Variants in NCAPD3 observed in about 807,000 individuals in gnomAD.
NCAPD3 encodes non-SMC condensin II complex subunit D3.
A neutral mutation model predicts 182.9 loss-of-function variants in NCAPD3; 105 were observed. That is an observed-to-expected ratio of 0.57 (90% confidence interval 0.49 to 0.68). The LOEUF (loss-of-function observed/expected upper bound fraction) is 0.68. Ranked by LOEUF, NCAPD3 falls within the 30% of genes least tolerant of loss-of-function variation. The pLI is 0.00. For synonymous variants in NCAPD3, 815 were observed against 679.9 expected (o/e 1.20, Z -3.09); for missense variants, 1,944 against 1,837.0 (o/e 1.06, Z -1.07).
intron 1 of NCAPD3, among the ~76,000 whole-genome samples, chr11:134,222,922 A>T (rs574388388): frequency 1.3e-5 from 2 of 152,348 alleles, no homozygotes; most frequent in East Asian, 3.9e-4. Flanking sequence ...AACCCCTGTG[A>T]GGTAGATATT....
rs79485966 is a variant in NCAPD3, at chr11:134,164,360, C to T, written c.3574-2469G>A. Among the ~76,000 whole-genome samples the T allele has an allele frequency of 1.3e-3, 196 of 152,346 alleles. 1 individual carries two copies. The highest frequency in any genetic ancestry group is 4.6e-3 in the African/African-American group (191 of 41,572). ...GAGTAAGTCAGAGACACCCGGAGCA[C>T]GTCCTGGCAGCAGGGGGACCTGAGC... On this transcript the variant is annotated intron_variant, in intron 27 of 34. Transcript: ENST00000534548.
At chr11:134,225,244 A>T, upstream of NCAPD3, 1 of 1,614,114 alleles carries the variant, frequency 6.2e-7, no homozygotes. Flanking sequence ...TTCCTCTTCT[A>T]CGACGGGGAG....
At chr11:134,189,812 G>A (rs918222116) in intron 16 of NCAPD3, among the ~76,000 whole-genome samples, 13 of 151,874 alleles carry the variant, frequency 8.6e-5, no homozygotes, top group South Asian at 4.2e-4. Flanking sequence ...GACATTTTCC[G>A]TTAAATTCTA....
chr11:134,170,368 G>A (rs1591832169), intron 24 of NCAPD3, among the ~76,000 whole-genome samples: 2 of 152,288 alleles, frequency 1.3e-5, no homozygotes, highest in South Asian at 4.1e-4. Context: ...ATGTTTGAAA[G>A]GCAAAGGTCA....
chr11:134,160,188 C>G, intron 28 of NCAPD3, 114 bp from the exon 29 acceptor site: 1 of 1,014,890 alleles, frequency 9.9e-7, no homozygotes, highest in Non-Finnish European at 1.4e-6. Flanking sequence ...TGCACGTGTA[C>G]CCCTGAACGC....
rs764503025 is a variant in NCAPD3 at position 134,184,993 on chromosome 11, T to C, written c.2245A>G (p.Asn749Asp). Residue 749 changes from asparagine (N) to aspartate (D), a missense_variant, in exon 18 of 35, where the codon AAT becomes GAT. Coordinates refer to ENST00000534548, the MANE Select transcript of NCAPD3 (RefSeq NM_015261.3). ...TGTCCTAAGGTGTTTGAATTGGGAT[T>C]CTGCTGACTAGAGAAAGGGCAGGAG... The part of the protein sequence containing the change: ...QSWEKISSQQ[N>D]PNSNTLGHIL... The C allele has an allele frequency of 6.2e-7, 1 of 1,610,988 alleles. No individual in the cohort carries two copies. The highest frequency in any genetic ancestry group is 8.5e-7 in the Non-Finnish European group (1 of 1,177,188).
chr11:134,198,459 C>T (rs1944682252), intron 13 of NCAPD3, among the ~76,000 whole-genome samples: 1 of 152,142 alleles, frequency 6.6e-6, no homozygotes, highest in Non-Finnish European at 1.5e-5. Flanking sequence ...TGATGCCTCC[C>T]TAAAGTGTAT....
intron 11 of NCAPD3, 95 bp downstream of exon 11, chr11:134,203,559 C>T (rs1381779994): frequency 2.0e-6 from 3 of 1,472,536 alleles, no homozygotes; most frequent in South Asian, 2.5e-5. Flanking sequence ...CATGCCATAC[C>T]TATTACTTTT....
chr11:134,176,785 A>G (rs1370541598), intron 23 of NCAPD3, among the ~76,000 whole-genome samples: 2 of 152,234 alleles, frequency 1.3e-5, no homozygotes, highest in Admixed American at 6.5e-5. Context: ...TCTATAGTTC[A>G]CTAGGTTTTT....
At chr11:134,159,845 C>G (rs774218619) in intron 29 of NCAPD3, 47 bp downstream of exon 29, 7 of 1,565,930 alleles carry the variant, frequency 4.5e-6, no homozygotes, top group Admixed American at 1.8e-5. Flanking sequence ...TGGTAGCAGA[C>G]AGCAGACTGG....
At chr11:134,213,304 A>G (rs1937905957) in intron 3 of NCAPD3, among the ~76,000 whole-genome samples, 1 of 151,820 alleles carries the variant, frequency 6.6e-6, no homozygotes, top group Admixed American at 6.6e-5. Flanking sequence ...AGCCTGGGTG[A>G]CAGACTGAGA....
At position 134,203,136 on chromosome 11, in the gene NCAPD3, C is replaced by G. The variant is rs754763510; in HGVS notation, c.1525+6G>C. On this transcript the variant is annotated splice_donor_region_variant and intron_variant, in intron 12 of 34. Transcript: ENST00000534548. ...TTCAATATTTGAAAATGTATTGATC[C>G]ATTACCTGATGAATTTCTCAGTAAG... 8.3e-6 allele frequency: 13 copies of G among 1,567,274 alleles called. No homozygotes were observed. Among genetic ancestry groups the G allele is most frequent in the Admixed American group, 1.7e-5 (1 of 59,628 alleles).
At chr11:134,195,009 G>T (rs979635703) in intron 13 of NCAPD3, among the ~76,000 whole-genome samples, 1 of 152,110 alleles carries the variant, frequency 6.6e-6, no homozygotes, top group African/African-American at 2.4e-5. Flanking sequence ...CTTCCATTTT[G>T]TTTAGCTACA....
chr11:134,189,116 A>G (rs1470982989), intron 16 of NCAPD3, among the ~76,000 whole-genome samples: 1 of 152,080 alleles, frequency 6.6e-6, no homozygotes, highest in Non-Finnish European at 1.5e-5. Flanking sequence ...TGTGCCCTTT[A>G]AAAAATACTA....
rs954114395 is a variant in NCAPD3, at chr11:134,217,104, G to A, written c.220-6C>T. 6.4e-7 allele frequency: 1 copy of A among 1,569,878 alleles called. No individual in the cohort carries two copies. Among genetic ancestry groups the A allele is most frequent in the East Asian group, 2.3e-5 (1 of 43,690 alleles). On this transcript the variant is annotated splice_polypyrimidine_tract_variant and splice_region_variant and intron_variant, in intron 2 of 34. Coordinates refer to ENST00000534548, the MANE Select transcript of NCAPD3 (RefSeq NM_015261.3). ...ATGAAGAAGGTCCAGATACTCTGTG[G>A]GGAGACCGCAAATCACAAAAGCCAG... is the stretch of plus-strand genomic sequence containing the variant.
chr11:134,174,094 C>T (rs1191085182), intron 24 of NCAPD3, among the ~76,000 whole-genome samples: 4 of 152,032 alleles, frequency 2.6e-5, no homozygotes, highest in Non-Finnish European at 4.4e-5. Flanking sequence ...AGCAGAAACA[C>T]ACGAAAAAAC....
rs746464941 is a variant in NCAPD3 at position 134,204,101 on chromosome 11, C to T, written c.1160G>A (p.Cys387Tyr). 4 of 1,614,102 alleles carry T rather than the reference C, an allele frequency of 2.5e-6. No individual in the cohort carries two copies. Among genetic ancestry groups the T allele is most frequent in the South Asian group, 1.1e-5 (1 of 91,082 alleles). Residue 387 changes from cysteine (C) to tyrosine (Y), a missense_variant, in exon 10 of 35, where the codon TGT becomes TAT. By Grantham distance (194) the Cys-to-Tyr change is radical. This residue lies in a region of NCAPD3 where 1,803 missense variants were observed against 1,674.6 expected (regional missense o/e 1.08). Transcript: ENST00000534548. The surrounding 1 kb of genome is among the most constrained non-coding windows in gnomAD (Gnocchi z 4.3). ...GGCAATGAACATAGCGTATTCCCCA[C>T]AAGGAAGTTTACTGAGCAGCTGGAC... ...SLVQLLSKLPCGEYAMFIAWL... is the reference protein window; with the variant it reads ...SLVQLLSKLPYGEYAMFIAWL...
intron 13 of NCAPD3, among the ~76,000 whole-genome samples, chr11:134,199,497 CATACTTTGAGTTTTGA>C (rs1306847358): frequency 0.064 from 9,718 of 152,124 alleles, 1,088 homozygotes; most frequent in African/African-American, 0.22. Context: ...ACATTCAAAC[CATACTTTGAGTTTTGA>C]ATTCTGCTCA....
In NCAPD3 at chr11:134,152,833, C is replaced by G; in HGVS notation, c.*111G>C. 1.2e-6 allele frequency: 1 copy of G among 852,204 alleles called. No homozygotes were observed. 52.8% of individuals were successfully genotyped at this position (852,204 alleles called of 1,614,324 possible). Reference sequence around the variant, plus strand: ...GAGGAGGAGCTCTCGTGTTCCACAGCAAAGCGCTGCCCAAGGACTGCGGGA... The same window carrying G: ...GAGGAGGAGCTCTCGTGTTCCACAGGAAAGCGCTGCCCAAGGACTGCGGGA... On this transcript the variant is annotated 3_prime_UTR_variant, in exon 35 of 35. Coordinates refer to ENST00000534548, the MANE Select transcript of NCAPD3 (RefSeq NM_015261.3).
Sources: allele counts gnomAD v4.1 joint callset (sites outside exome capture counted in the v4.1 genomes callset), GRCh38; gene constraint gnomAD v4.1.1; regional missense constraint gnomAD v4.1.1; non-coding constraint Gnocchi (gnomAD v3.1); transcripts MANE v1.5; gene names NCBI Gene and HGNC (gene_info 2026-07-23, HGNC 2026-07-21).